The following MEMO1 variants were observed in gnomAD, a reference collection of about 807,000 sequenced individuals.
MEMO1 encodes the protein protein MEMO1.
Under a neutral mutation model 45.2 loss-of-function variants are expected in MEMO1, and 6 were observed. The observed-to-expected ratio is 0.13, with a 90% CI of 0.07 to 0.26. The LOEUF is 0.26. Among genes scored for constraint, MEMO1 ranks in the 10% least tolerant of loss-of-function variants. The pLI is 1.00. For missense variants in MEMO1, 184 were observed against 370.5 expected, an observed-to-expected ratio of 0.50 and a Z score of 4.13; for synonymous variants, 78 against 124.3, an observed-to-expected ratio of 0.63 and a Z score of 2.48.
intron 2 of MEMO1, among the ~76,000 whole-genome samples, chr2:31,976,047 T>C (rs903250564): frequency 1.3e-5 from 2 of 151,884 alleles, no homozygotes; most frequent in African/African-American, 2.4e-5. Flanking sequence ...TGCACCACCA[T>C]ACCCAGCTAA....
intron 2 of MEMO1, among the ~76,000 whole-genome samples, chr2:31,987,016 T>C (rs925403208): frequency 3.3e-5 from 5 of 152,158 alleles, no homozygotes; most frequent in Admixed American, 6.6e-5. Flanking sequence ...TTTTCTGTTT[T>C]TGTTTGAGAT....
intron 2 of MEMO1, among the ~76,000 whole-genome samples, chr2:32,003,052 G>GA (rs1330096006): frequency 6.6e-6 from 1 of 152,158 alleles, no homozygotes; most frequent in Non-Finnish European, 1.5e-5. Context: ...TTTCCAAAGA[G>GA]AAATATTTTT....
At chr2:31,966,907 T>C (rs979929521) in intron 2 of MEMO1, among the ~76,000 whole-genome samples, 2 of 152,132 alleles carry the variant, frequency 1.3e-5, no homozygotes, top group African/African-American at 4.8e-5. Context: ...GTCATCTCTA[T>C]ACGTTCAAAC....
At chr2:31,926,277 T>C (rs1683095611) in intron 4 of MEMO1, among the ~76,000 whole-genome samples, 1 of 150,264 alleles carries the variant, frequency 6.7e-6, no homozygotes, top group Non-Finnish European at 1.5e-5. Context: ...AAGGCTGGAA[T>C]AGGAGGATCA....
intron 2 of MEMO1, among the ~76,000 whole-genome samples, chr2:31,950,553 T>C (rs1666727559): frequency 6.6e-6 from 1 of 151,502 alleles, no homozygotes; most frequent in Admixed American, 6.6e-5. Flanking sequence ...ACCCCATCTC[T>C]ACTAAAAACA....
At chr2:32,010,109 C>T in intron 2 of MEMO1, 78 bp downstream of exon 2, 1 of 752,090 alleles carries the variant, frequency 1.3e-6, no homozygotes, top group East Asian at 1.3e-4. Flanking sequence ...GCCGCGGGGC[C>T]GGGCCGCCGA....
intron 4 of MEMO1, among the ~76,000 whole-genome samples, chr2:31,930,484 C>T (rs1316187137): frequency 1.3e-5 from 2 of 152,078 alleles, no homozygotes; most frequent in African/African-American, 4.8e-5. Context: ...TCTACAAATT[C>T]CTAAACCTAA....
At chr2:31,947,785 T>C (rs1036066018) in intron 2 of MEMO1, among the ~76,000 whole-genome samples, 2 of 152,298 alleles carry the variant, frequency 1.3e-5, no homozygotes, top group East Asian at 3.9e-4. Flanking sequence ...TAAGTTTATT[T>C]GCATGGTGAC....
rs557969656 is a variant in MEMO1 at position 31,895,904 on chromosome 2, G to A, written c.438-3770C>T. On this transcript the variant is annotated intron_variant, in intron 6 of 9. Transcript: ENST00000404530. ...GTCGCCCAGGCTGGAGTGCAGTGGC[G>A]AGATCTCAGCTCACTGTAGGCTCCG... is the stretch of plus-strand genomic sequence containing the variant. Among the ~76,000 whole-genome samples the A allele has an allele frequency of 4.1e-5, 6 of 146,060 alleles. 1 individual carries two copies. Among genetic ancestry groups the A allele is most frequent in the South Asian group, 2.2e-4 (1 of 4,636 alleles).
At chr2:31,985,683 A>T (rs1671176854) in intron 2 of MEMO1, among the ~76,000 whole-genome samples, 1 of 152,232 alleles carries the variant, frequency 6.6e-6, no homozygotes, top group Admixed American at 6.5e-5. Flanking sequence ...GCTTTTAACA[A>T]TTGTTTAGAA....
At chr2:32,006,159 T>C (rs1674039924) in intron 2 of MEMO1, among the ~76,000 whole-genome samples, 1 of 152,172 alleles carries the variant, frequency 6.6e-6, no homozygotes, top group Non-Finnish European at 1.5e-5. Context: ...TGAGGGGACT[T>C]AGACCTTAAC....
At chr2:31,920,037 T>G (rs1461627945) in intron 5 of MEMO1, among the ~76,000 whole-genome samples, 3 of 151,488 alleles carry the variant, frequency 2.0e-5, no homozygotes, top group African/African-American at 7.3e-5. Flanking sequence ...ATCATGAAGG[T>G]GGTTACTTCT....
chr2:31,995,966 T>C (rs1193656015), intron 2 of MEMO1, among the ~76,000 whole-genome samples: 1 of 152,062 alleles, frequency 6.6e-6, no homozygotes, highest in Non-Finnish European at 1.5e-5. Flanking sequence ...CAATACAAAA[T>C]TTATAAAGTG....
chr2:31,992,153 G>A (rs773394265), intron 2 of MEMO1, among the ~76,000 whole-genome samples: 3 of 152,108 alleles, frequency 2.0e-5, no homozygotes, highest in Admixed American at 2.0e-4. Flanking sequence ...TGGATTAGTC[G>A]CTCTCCATAA....
chr2:31,908,896 TGAG>T (rs1680167095), intron 6 of MEMO1, among the ~76,000 whole-genome samples: 1 of 152,170 alleles, frequency 6.6e-6, no homozygotes, highest in Admixed American at 6.5e-5. Context: ...GGAGAAAATC[TGAG>T]AAGAACTTCT....
chr2:32,001,659 T>C (rs1468872890), intron 2 of MEMO1, among the ~76,000 whole-genome samples: 1 of 151,992 alleles, frequency 6.6e-6, no homozygotes, highest in Non-Finnish European at 1.5e-5. Context: ...GTCTTAGTTT[T>C]TCTTCTTAAC....
chr2:31,949,639 G>GGAA (rs1666596556), intron 2 of MEMO1, among the ~76,000 whole-genome samples: 1 of 23,490 alleles, frequency 4.3e-5, no homozygotes, highest in Non-Finnish European at 8.4e-5. Context: ...TGGTTAATGG[G>GGAA]TACAAAAAAA....
intron 2 of MEMO1, among the ~76,000 whole-genome samples, chr2:31,979,888 C>T (rs879418510): frequency 4.0e-5 from 6 of 151,262 alleles, no homozygotes; most frequent in African/African-American, 1.2e-4. Flanking sequence ...TGAAATGTTA[C>T]TATGTAATTA....
intron 4 of MEMO1, among the ~76,000 whole-genome samples, chr2:31,930,862 T>C (rs1664083273): frequency 6.7e-6 from 1 of 149,626 alleles, no homozygotes; most frequent in African/African-American, 2.5e-5. Flanking sequence ...TTTCACCATA[T>C]TGGCCAGGCT....
Sources: gnomAD v4.1 joint callset for allele counts (sites outside exome capture counted in the v4.1 genomes callset) on GRCh38, gnomAD v4.1.1 for gene constraint, MANE v1.5 for transcripts, NCBI Gene and HGNC (gene_info 2026-07-23, HGNC 2026-07-21) for gene names.